Variants in VIPR2 observed in about 807,000 individuals in gnomAD.
VIPR2 encodes vasoactive intestinal peptide receptor 2.
A neutral mutation model predicts 58.0 loss-of-function variants in VIPR2; 48 were observed. That is an observed-to-expected ratio of 0.83 (90% CI 0.66 to 1.05). The LOEUF (loss-of-function observed/expected upper bound fraction) is 1.05, where lower values mean the gene tolerates loss of function less well. Ranked by LOEUF, VIPR2 falls within the 50% of genes least tolerant of loss-of-function variation. VIPR2 has a pLI of 0.00. For synonymous variants in VIPR2, 243 were observed against 235.2 expected, an observed-to-expected ratio of 1.03 and a Z score of -0.30; for missense variants, 534 against 558.0, an observed-to-expected ratio of 0.96 and a Z score of 0.43.
Position 159,099,113 on chromosome 7 carries a change from G to C in VIPR2, c.357+4644C>G, listed in dbSNP as rs559709092. 6.6e-6 allele frequency among the ~76,000 whole-genome samples: 1 copy of C among 152,376 alleles called. No individual in the cohort carries two copies. The highest frequency in any genetic ancestry group is 2.4e-5 in the African/African-American group (1 of 41,592). On this transcript the variant is annotated intron_variant, in intron 4 of 12. Coordinates refer to ENST00000262178, the MANE Select transcript of VIPR2 (RefSeq NM_003382.5). The surrounding 1 kb of genome is among the most constrained non-coding windows in gnomAD (Gnocchi z 4.2). ...AAGTATTCAAAGTATTCAACGAGCAGAAACTGCAACAGGAAGAAAAATTAT... is the reference window on the plus strand; with the variant it reads ...AAGTATTCAAAGTATTCAACGAGCACAAACTGCAACAGGAAGAAAAATTAT...
rs1210336407 is a variant in VIPR2 at position 159,030,628 on chromosome 7, G to C, written c.1305C>G (p.Thr435=). ...GGCAGGGGTGGGGCTAGATGACCGA[G>C]GTCTCCGTTTGCAGGAAGGACTGGG... ...SRAQSFLQTE[T]SVI is the part of the protein sequence containing the mutation. Residue 435 remains threonine, a synonymous_variant, in exon 13 of 13, where the codon ACC becomes ACG. Coordinates refer to ENST00000262178, the MANE Select transcript of VIPR2 (RefSeq NM_003382.5). The C allele has an allele frequency of 6.5e-7, 1 of 1,548,160 alleles. No individual in the cohort carries two copies. The highest frequency in any genetic ancestry group is 1.2e-5 in the South Asian group (1 of 83,510).
Position 159,033,487 on chromosome 7 carries a change from TA to T in VIPR2, c.971+725del, listed in dbSNP as rs59845674. On this transcript the variant is annotated intron_variant, in intron 10 of 12. Coordinates refer to ENST00000262178, the MANE Select transcript of VIPR2 (RefSeq NM_003382.5). The stretch of plus-strand genomic sequence containing the variant: ...ACTTGAATTTTGGTTTTTACCTTTT[TA>T]AAAAAAAATAAATTCTTGATATAAA... 1.7e-3 allele frequency among the ~76,000 whole-genome samples: 258 copies of T among 151,928 alleles called. 1 individual carries two copies. The highest frequency in any genetic ancestry group is 5.6e-3 in the African/African-American group (234 of 41,460).
intron 4 of VIPR2, among the ~76,000 whole-genome samples, chr7:159,086,580 C>T (rs191901121): frequency 2.3e-3 from 353 of 152,310 alleles, no homozygotes; most frequent in African/African-American, 8.0e-3. Flanking sequence ...GCTCTCAACC[C>T]GGGGGATGTC....
intron 4 of VIPR2, among the ~76,000 whole-genome samples, chr7:159,081,848 A>G (rs550178649): frequency 0.013 from 2,044 of 152,388 alleles, 28 homozygotes; most frequent in Admixed American, 0.029. Context: ...TATGCAGCCA[A>G]AAAACACATG....
chr7:159,137,665 C>T lies in VIPR2; in HGVS notation c.151+4781G>A, dbSNP rs192169565. On this transcript the variant is annotated intron_variant, in intron 2 of 12. Transcript: ENST00000262178. ...GGGTTACAGGCATGAGCCCATTGCA[C>T]CAGGCATAAAGACATTACTTTAAGA... 2.0e-4 allele frequency among the ~76,000 whole-genome samples: 31 copies of T among 152,220 alleles called. 1 individual carries two copies. In the East Asian group the frequency reaches 5.8e-3, roughly 28 times the overall value.
intron 2 of VIPR2, among the ~76,000 whole-genome samples, chr7:159,119,659 A>G (rs767129387): frequency 2.0e-5 from 3 of 152,196 alleles, no homozygotes; most frequent in African/African-American, 7.2e-5. Context: ...CCCGAGGTGA[A>G]GCAGCCAGTG....
intron 10 of VIPR2, among the ~76,000 whole-genome samples, chr7:159,032,982 CT>C (rs1853684127): frequency 2.0e-5 from 3 of 151,992 alleles, no homozygotes; most frequent in South Asian, 4.2e-4. Flanking sequence ...AATCCCATCC[CT>C]CGTGTGGGCA....
At chr7:159,062,089 G>A (rs1306706803) in intron 4 of VIPR2, among the ~76,000 whole-genome samples, 1 of 152,224 alleles carries the variant, frequency 6.6e-6, no homozygotes, top group Non-Finnish European at 1.5e-5. Flanking sequence ...GCCATGGGGC[G>A]CCGGCGGGTG....
In VIPR2 at chr7:159,143,011, C is replaced by G. The variant is rs150926222; in HGVS notation, c.52-466G>C. ...TGGTACATGTTCAAAGCTTAACCCT[C>G]TAACTACAGATAAAACTGCAATCGT... On this transcript the variant is annotated intron_variant, in intron 1 of 12. Transcript: ENST00000262178. Among the ~76,000 whole-genome samples, 587 of 152,306 alleles carry G rather than the reference C, an allele frequency of 3.9e-3. 4 individuals carry two copies. Among genetic ancestry groups the G allele is most frequent in the African/African-American group, 0.014 (561 of 41,554 alleles).
At chr7:159,120,121 G>A (rs1440675669) in intron 2 of VIPR2, among the ~76,000 whole-genome samples, 1 of 152,196 alleles carries the variant, frequency 6.6e-6, no homozygotes, top group African/African-American at 2.4e-5. Context: ...CACCTGCTGA[G>A]GGTCCTCGCG....
In VIPR2 at chr7:159,058,564, A is replaced by G. The variant is rs777959638; in HGVS notation, c.372T>C (p.Ile124=). The change falls in exon 5 of 13, where the codon ATT becomes ATC. Residue 124 remains isoleucine, a synonymous_variant. Coordinates refer to ENST00000262178, the MANE Select transcript of VIPR2 (RefSeq NM_003382.5). ...PEDESKITFY[I]LVKAIYTLGY... ...CCAGTGTATAAATGGCCTTCACCAGAATATAAAACGTGATCTACAAAGAAA... is the reference window on the plus strand; with the variant it reads ...CCAGTGTATAAATGGCCTTCACCAGGATATAAAACGTGATCTACAAAGAAA... The G allele has an allele frequency of 1.9e-6, 3 of 1,611,036 alleles. No homozygotes were observed. Among genetic ancestry groups the G allele is most frequent in the African/African-American group, 1.3e-5 (1 of 74,902 alleles).
At chr7:159,063,829 G>A (rs1358923359) in intron 4 of VIPR2, among the ~76,000 whole-genome samples, 3 of 115,074 alleles carry the variant, frequency 2.6e-5, no homozygotes, top group Admixed American at 8.5e-5. Context: ...GGGGTCCGGG[G>A]GTCCTGGTGG....
chr7:159,104,742 G>A (rs993207968), intron 3 of VIPR2, among the ~76,000 whole-genome samples: 7 of 133,854 alleles, frequency 5.2e-5, no homozygotes, highest in Non-Finnish European at 9.9e-5. Context: ...GCCCCACCCA[G>A]TTCCTGACAG....
chr7:159,120,775 C>A (rs892907213), intron 2 of VIPR2, among the ~76,000 whole-genome samples: 1 of 152,152 alleles, frequency 6.6e-6, no homozygotes, highest in African/African-American at 2.4e-5. Context: ...AGAGGCTGGG[C>A]CTTGTCGCTT....
At chr7:159,042,060 G>A (rs1301987431) in intron 6 of VIPR2, among the ~76,000 whole-genome samples, 1 of 152,130 alleles carries the variant, frequency 6.6e-6, no homozygotes, top group African/African-American at 2.4e-5. Flanking sequence ...ATCCCCAGAG[G>A]CACATTTCCT....
Position 159,030,715 on chromosome 7 carries a change from G to A in VIPR2, c.1218C>T (p.Cys406=). The A allele has an allele frequency of 6.3e-7, 1 of 1,593,782 alleles. No homozygotes were observed. ...AGCCGTTGCGGGAGAAGGAGGAACC[G>A]CAGACCCTGTAATCCCGGCTCGCGG... The part of the protein sequence containing the change: ...TPSASRDYRV[C]GSSFSRNGSE... The change falls in exon 13 of 13, where the codon TGC becomes TGT. Residue 406 remains cysteine, a synonymous_variant. Coordinates refer to ENST00000262178, the MANE Select transcript of VIPR2 (RefSeq NM_003382.5).
At position 159,096,479 on chromosome 7, in the gene VIPR2, C is replaced by A. The variant is rs1022340433; in HGVS notation, c.357+7278G>T. 6.6e-6 allele frequency among the ~76,000 whole-genome samples: 1 copy of A among 152,206 alleles called. No individual in the cohort carries two copies. Among genetic ancestry groups the A allele is most frequent in the African/African-American group, 2.4e-5 (1 of 41,438 alleles). ...ATCATGTGGACCTCTAATTCCTTCA[C>A]CTTCATCTCCCTCCCATTAGGAGAA... On this transcript the variant is annotated intron_variant, in intron 4 of 12. Transcript: ENST00000262178. This position sits in a 1 kb window ranked among gnomAD's most constrained non-coding sequence, Gnocchi z 5.5.
At chr7:159,041,974 G>A (rs1854377348) in intron 6 of VIPR2, among the ~76,000 whole-genome samples, 2 of 152,122 alleles carry the variant, frequency 1.3e-5, no homozygotes, top group African/African-American at 4.8e-5. Flanking sequence ...GGGGAACGGG[G>A]CTTGCCAGGT....
chr7:159,121,282 G>A (rs932176160), intron 2 of VIPR2, among the ~76,000 whole-genome samples: 5 of 151,992 alleles, frequency 3.3e-5, no homozygotes, highest in African/African-American at 9.7e-5. Flanking sequence ...TGCACGAGTC[G>A]GCTCCCAGGG....
Sources: allele counts gnomAD v4.1 joint callset (sites outside exome capture counted in the v4.1 genomes callset), GRCh38; gene constraint gnomAD v4.1.1; non-coding constraint Gnocchi (gnomAD v3.1); transcripts MANE v1.5; gene names NCBI Gene and HGNC (gene_info 2026-07-23, HGNC 2026-07-21).